PARD3: variants seen among roughly 807,000 people sequenced by gnomAD.
PARD3 encodes partitioning defective 3 homolog.
In PARD3, 75 loss-of-function variants were observed where a neutral mutation model predicts 155.4. The observed-to-expected ratio is 0.48, with a 90% CI of 0.40 to 0.58. The LOEUF (loss-of-function observed/expected upper bound fraction) is 0.58, where lower values mean the gene tolerates loss of function less well. Among genes scored for constraint, PARD3 ranks in the 20% least tolerant of loss-of-function variants. The probability of loss-of-function intolerance (pLI) is 0.00; values close to 1 mark genes in which losing one functional copy is unlikely to be tolerated. For synonymous variants in PARD3, 576 were observed against 610.5 expected (o/e 0.94, Z 0.83); for missense variants, 1,642 against 1,721.7 (o/e 0.95, Z 0.82).
At chr10:34,555,015 G>T (rs1372817965) in intron 2 of PARD3, among the ~76,000 whole-genome samples, 1 of 152,218 alleles carries the variant, frequency 6.6e-6, no homozygotes, top group Non-Finnish European at 1.5e-5. Context: ...TTAGGACAGT[G>T]AAACTATATT....
intron 3 of PARD3, among the ~76,000 whole-genome samples, chr10:34,471,265 A>G (rs752627083): frequency 2.5e-4 from 38 of 152,362 alleles, no homozygotes; most frequent in Admixed American, 8.5e-4. Context: ...TGCAATTGCT[A>G]TAACAGTATC....
chr10:34,636,932 G>A lies in PARD3; in HGVS notation c.222+59386C>T, dbSNP rs150030467. On this transcript the variant is annotated intron_variant, in intron 2 of 24. Coordinates refer to ENST00000374788, the MANE Select transcript of PARD3 (RefSeq NM_001184785.2). ...AACCTTTTAGGCAAATGCCTACCGA[G>A]TCTTATCCATTCACAGCTCTGTTAC... Among the ~76,000 whole-genome samples, 16 of 152,340 alleles carry A rather than the reference G, an allele frequency of 1.1e-4. No homozygotes were observed. In the East Asian group the frequency reaches 3.1e-3, roughly 29 times the overall value.
intron 22 of PARD3, among the ~76,000 whole-genome samples, chr10:34,211,222 T>C (rs927301535): frequency 1.3e-5 from 2 of 152,148 alleles, no homozygotes; most frequent in African/African-American, 4.8e-5. Context: ...TGTGGAGATG[T>C]GTCTAGGGTC....
chr10:34,364,893 A>C (rs755109362), intron 12 of PARD3, among the ~76,000 whole-genome samples: 1 of 152,238 alleles, frequency 6.6e-6, no homozygotes, highest in Non-Finnish European at 1.5e-5. Context: ...ACAAGGTTCA[A>C]TCTTACTCGC....
chr10:34,811,545 CCA>C (rs376390635), intron 1 of PARD3, among the ~76,000 whole-genome samples: 138 of 152,210 alleles, frequency 9.1e-4, no homozygotes, highest in African/African-American at 3.0e-3. Context: ...AATGAGACTC[CCA>C]CACACACCCC....
chr10:34,774,535 T>A (rs1297832715), intron 1 of PARD3, among the ~76,000 whole-genome samples: 2 of 152,232 alleles, frequency 1.3e-5, no homozygotes, highest in Non-Finnish European at 2.9e-5. Context: ...AAAATACATA[T>A]TGTTAATTAT....
In PARD3 at chr10:34,237,837, C is replaced by T. The variant is rs530150207; in HGVS notation, c.3419+31820G>A. 5.3e-5 allele frequency among the ~76,000 whole-genome samples: 8 copies of T among 152,236 alleles called. No individual in the cohort carries two copies. In the South Asian group the frequency reaches 6.2e-4, roughly 12 times the overall value. ...GCATTTGGATGCAGTATTTTATATG[C>T]GTCTCCTGGCTTGGCTTCACACTGG... On this transcript the variant is annotated intron_variant, in intron 22 of 24. Coordinates refer to ENST00000374788, the MANE Select transcript of PARD3 (RefSeq NM_001184785.2).
rs1268230946 is a variant in PARD3, at chr10:34,534,376, C to T, written c.223-17217G>A. On this transcript the variant is annotated intron_variant, in intron 2 of 24. Coordinates refer to ENST00000374788, the MANE Select transcript of PARD3 (RefSeq NM_001184785.2). ...GGTGAGTTCCACTCCAAAGGACGGG[C>T]GTGCCTCTCAGGCTGAAGAGCGGCA... Among the ~76,000 whole-genome samples the T allele has an allele frequency of 3.3e-5, 5 of 151,968 alleles. No individual in the cohort carries two copies. In the East Asian group the frequency reaches 7.8e-4, roughly 24 times the overall value.
chr10:34,278,445 C>A (rs1385508130), intron 21 of PARD3, among the ~76,000 whole-genome samples: 1 of 152,130 alleles, frequency 6.6e-6, no homozygotes, highest in Non-Finnish European at 1.5e-5. Context: ...TATGGTTTGG[C>A]TGTGTTCCCA....
chr10:34,480,929 G>A (rs1042421786), intron 3 of PARD3, among the ~76,000 whole-genome samples: 2 of 150,724 alleles, frequency 1.3e-5, no homozygotes, highest in Non-Finnish European at 2.9e-5. Flanking sequence ...ATCCTCCCAA[G>A]TAGCTGGGAT....
At chr10:34,754,323 CTAGAT>C (rs2133971619) in intron 1 of PARD3, among the ~76,000 whole-genome samples, 1 of 152,246 alleles carries the variant, frequency 6.6e-6, no homozygotes, top group African/African-American at 2.4e-5. Flanking sequence ...TTTTATACTG[CTAGAT>C]TAATTTATTG....
chr10:34,594,401 T>G (rs369807839), intron 2 of PARD3, among the ~76,000 whole-genome samples: 5 of 152,242 alleles, frequency 3.3e-5, no homozygotes, highest in South Asian at 4.1e-4. Flanking sequence ...AACTAAATGG[T>G]CTTCTCCAAT....
Position 34,395,843 on chromosome 10 carries a change from CAAAAAAAAAAAAA to C in PARD3, c.890+3474_890+3486del, listed in dbSNP as rs1173283584. 1.3e-4 allele frequency among the ~76,000 whole-genome samples: 3 copies of C among 23,296 alleles called. 1 individual carries two copies. Among genetic ancestry groups the C allele is most frequent in the Admixed American group, 1.4e-3 (2 of 1,434 alleles). 15.3% of individuals were successfully genotyped at this position (23,296 alleles called of 152,430 possible). A position where few individuals can be genotyped will look rare whatever the true frequency, so the allele number is the denominator to read the frequency against. On this transcript the variant is annotated intron_variant, in intron 7 of 24. Transcript: ENST00000374788. The stretch of plus-strand genomic sequence containing the variant: ...TGGGCGACAGAGCGAGACTCCGTCT[CAAAAAAAAAAAAA>C]AAAAAAAAAAAGAAAAACATCATCA...
intron 20 of PARD3, among the ~76,000 whole-genome samples, chr10:34,316,780 G>C (rs923921018): frequency 6.6e-6 from 1 of 152,162 alleles, no homozygotes; most frequent in Non-Finnish European, 1.5e-5. Flanking sequence ...AAAATAGTCT[G>C]AAAATAGCTA....
At position 34,726,761 on chromosome 10, in the gene PARD3, T is replaced by C. The variant is rs534891539; in HGVS notation, c.121-30342A>G. On this transcript the variant is annotated intron_variant, in intron 1 of 24. Coordinates refer to ENST00000374788, the MANE Select transcript of PARD3 (RefSeq NM_001184785.2). Reference sequence around the variant, plus strand: ...CTGGGCGGCAAGAGTGAACTCCATCTCCAAAAAAAAAAGTGGGGGGAGGCG... The same window carrying C: ...CTGGGCGGCAAGAGTGAACTCCATCCCCAAAAAAAAAAGTGGGGGGAGGCG... 1.3e-4 allele frequency among the ~76,000 whole-genome samples: 19 copies of C among 142,070 alleles called. No homozygotes were observed. The South Asian group carries it at 3.8e-3, about 28-fold the overall frequency. The allele number at this position is 142,070 out of a possible 152,430, so 93.2% of individuals were successfully genotyped here. A position where few individuals can be genotyped will look rare whatever the true frequency, so the allele number is the denominator to read the frequency against.
At chr10:34,221,140 G>C (rs752848042) in intron 22 of PARD3, among the ~76,000 whole-genome samples, 1 of 152,190 alleles carries the variant, frequency 6.6e-6, no homozygotes, top group Non-Finnish European at 1.5e-5. Context: ...TGCTGTTCCC[G>C]TCTTGCCACT....
At chr10:34,736,665 T>A (rs75148957) in intron 1 of PARD3, among the ~76,000 whole-genome samples, 13,582 of 146,828 alleles carry the variant, frequency 0.093, 727 homozygotes, top group African/African-American at 0.14. Context: ...TTTATTTATT[T>A]ATTTATTTAT....
At chr10:34,216,877 C>T (rs1454147539) in intron 22 of PARD3, among the ~76,000 whole-genome samples, 1 of 152,218 alleles carries the variant, frequency 6.6e-6, no homozygotes, top group African/African-American at 2.4e-5. Context: ...GAGGAAACTG[C>T]TTGGGTCCAC....
Position 34,681,693 on chromosome 10 carries a change from ATT to A in PARD3, c.222+14623_222+14624del, listed in dbSNP as rs1453683060. On this transcript the variant is annotated intron_variant, in intron 2 of 24. Coordinates refer to ENST00000374788, the MANE Select transcript of PARD3 (RefSeq NM_001184785.2). ...ATATAATATACATGTATATAATTAG[ATT>A]TTTATATTTTATATATGTATTTTAC... 8.7e-5 allele frequency among the ~76,000 whole-genome samples: 11 copies of A among 126,384 alleles called. No individual in the cohort carries two copies. In the East Asian group the frequency reaches 2.5e-3, roughly 28 times the overall value. The allele number at this position is 126,384 out of a possible 152,430, so 82.9% of individuals were successfully genotyped here. A position where few individuals can be genotyped will look rare whatever the true frequency, so the allele number is the denominator to read the frequency against.
Sources: allele counts gnomAD v4.1 joint callset (sites outside exome capture counted in the v4.1 genomes callset), GRCh38; gene constraint gnomAD v4.1.1; transcripts MANE v1.5; gene names NCBI Gene and HGNC (gene_info 2026-07-23, HGNC 2026-07-21).